Variants in GSDMB observed in about 807,000 individuals in gnomAD.
GSDMB encodes the protein gasdermin-B.
A neutral mutation model predicts 42.9 loss-of-function variants in GSDMB; 32 were observed. The observed-to-expected ratio is 0.75, with a 90% CI of 0.56 to 1.00. GSDMB has a LOEUF of 1.00. Ranked by LOEUF, GSDMB falls within the 50% of genes least tolerant of loss-of-function variation. The pLI is 0.00. For synonymous variants in GSDMB, 175 were observed against 193.7 expected (o/e 0.90, Z 0.80); for missense variants, 468 against 498.5 (o/e 0.94, Z 0.58).
At chr17:39,908,034 T>G in intron 6 of GSDMB, 142 bp downstream of exon 6, 1 of 649,614 alleles carries the variant, frequency 1.5e-6, no homozygotes, top group Non-Finnish European at 2.8e-6. Context: ...CAGGCTAATT[T>G]TTCCCCTGCG....
At chr17:39,907,257 C>T (rs978394016) in intron 6 of GSDMB, 13 of 1,242,930 alleles carry the variant, frequency 1.0e-5, no homozygotes, top group Middle Eastern at 3.2e-4. Context: ...TACACTCAGT[C>T]GCTCCGCAAA....
chr17:39,911,696 C>T lies in GSDMB; in HGVS notation c.407+630G>A, dbSNP rs80147220. Among the ~76,000 whole-genome samples, 53 of 152,298 alleles carry T rather than the reference C, an allele frequency of 3.5e-4. 1 individual carries two copies. In the East Asian group the frequency reaches 9.9e-3, roughly 28 times the overall value. The stretch of plus-strand genomic sequence containing the variant: ...GTCAATACAGAGAGGTTAGTAAAGT[C>T]AGTCCCTTGTCACAAGTTGCTTCCA... On this transcript the variant is annotated intron_variant, in intron 3 of 10. Coordinates refer to ENST00000418519, the MANE Select transcript of GSDMB (RefSeq NM_001165958.2).
intron 3 of GSDMB, among the ~76,000 whole-genome samples, chr17:39,911,009 A>T (rs964552490): frequency 3.9e-5 from 6 of 152,142 alleles, no homozygotes; most frequent in African/African-American, 1.4e-4. Context: ...ATTTATTAAT[A>T]AAAAAGGGTG....
At chr17:39,908,866 C>A (rs1488775679) in intron 5 of GSDMB, 92 bp downstream of exon 5, 2 of 834,500 alleles carry the variant, frequency 2.4e-6, no homozygotes, top group Non-Finnish European at 4.0e-6. Context: ...CAGCCACCCA[C>A]CCTAGGCTGA....
chr17:39,905,759 T>G (rs1262636536), intron 9 of GSDMB, 88 bp downstream of exon 9: 15 of 1,416,704 alleles, frequency 1.1e-5, no homozygotes, highest in Non-Finnish European at 1.4e-5. Flanking sequence ...AAGAGCAACA[T>G]GCAGCCCCTC....
At chr17:39,905,738 C>A (rs538483860) in intron 9 of GSDMB, 109 bp downstream of exon 9, 4 of 1,257,040 alleles carry the variant, frequency 3.2e-6, no homozygotes, top group Admixed American at 3.9e-5. Context: ...GAGTGCCCCC[C>A]ATAAACTGTG....
At chr17:39,914,581 G>A (rs372381937) in intron 2 of GSDMB, among the ~76,000 whole-genome samples, 1 of 151,932 alleles carries the variant, frequency 6.6e-6, no homozygotes, top group South Asian at 2.1e-4. Context: ...GGCCAACATG[G>A]TGAAACCTTG....
Position 39,917,108 on chromosome 17 carries a change from A to C in GSDMB, c.209T>G (p.Leu70Ter), listed in dbSNP as rs202032801. 1.2e-6 allele frequency: 2 copies of C among 1,613,858 alleles called. No homozygotes were observed. Among genetic ancestry groups the C allele is most frequent in the African/African-American group, 2.7e-5 (2 of 75,042 alleles). The change falls in exon 2 of 11, where the codon TTA becomes TGA. Residue 70 changes from leucine to a stop codon, truncating the protein, a stop_gained. Transcript: ENST00000418519. LOFTEE classifies it high-confidence loss of function. ...DILDTDGDKW[L>*]DELDSGLQGQ... Reference sequence around the variant, plus strand: ...TTGGAGCCCAGAATCCAGTTCATCTAACCACTTGTCCCCATCTGTGTCCAG... The same window carrying C: ...TTGGAGCCCAGAATCCAGTTCATCTCACCACTTGTCCCCATCTGTGTCCAG...
Position 39,904,691 on chromosome 17 carries a change from A to T in GSDMB, c.*121T>A. 1.3e-6 allele frequency: 1 copy of T among 774,756 alleles called. No individual in the cohort carries two copies. Among genetic ancestry groups the T allele is most frequent in the Non-Finnish European group, 2.1e-6 (1 of 472,440 alleles). The allele number at this position is 774,756 out of a possible 1,614,324, so 48.0% of individuals were successfully genotyped here. On this transcript the variant is annotated 3_prime_UTR_variant, in exon 11 of 11. Coordinates refer to ENST00000418519, the MANE Select transcript of GSDMB (RefSeq NM_001165958.2). ...ATGGAGCGAATGGGATACATCAAAG[A>T]ATGGTTGGCTGCTTGTTTTAAAGAG...
chr17:39,914,205 G>C (rs1281681201), intron 2 of GSDMB, among the ~76,000 whole-genome samples: 2 of 152,072 alleles, frequency 1.3e-5, no homozygotes, highest in Admixed American at 6.5e-5. Context: ...GATGTAATAG[G>C]AATGGTCCTT....
intron 5 of GSDMB, 62 bp from the exon 6 acceptor site, chr17:39,908,276 T>A (rs917213443): frequency 5.9e-6 from 5 of 841,482 alleles, no homozygotes; most frequent in Non-Finnish European, 7.9e-6. Context: ...TATCACTCTG[T>A]AAGTTCCCTT....
chr17:39,909,190 C>A, intron 4 of GSDMB, 148 bp from the exon 5 acceptor site: 1 of 589,700 alleles, frequency 1.7e-6, no homozygotes, highest in Non-Finnish European at 3.0e-6. Flanking sequence ...GCAGGTGAGA[C>A]AGTCTCACAG....
Position 39,912,403 on chromosome 17 carries a change from G to A in GSDMB, c.330C>T (p.Phe110=). ...LPKEITISGS[F]QGFHHQKIKI... ...TGATTTTCTGATGGTGGAAGCCCTG[G>A]AAACTGCCTGAAATTGTTATTTCTT... The change falls in exon 3 of 11, where the codon TTC becomes TTT. Residue 110 remains phenylalanine, a synonymous_variant. Coordinates refer to ENST00000418519, the MANE Select transcript of GSDMB (RefSeq NM_001165958.2). 6.2e-7 allele frequency: 1 copy of A among 1,613,130 alleles called. No homozygotes were observed. The highest frequency in any genetic ancestry group is 1.1e-5 in the South Asian group (1 of 91,058).
At chr17:39,910,699 T>A (rs1726611667) in intron 3 of GSDMB, among the ~76,000 whole-genome samples, 1 of 152,174 alleles carries the variant, frequency 6.6e-6, no homozygotes, top group South Asian at 2.1e-4. Flanking sequence ...TCATGAAGCA[T>A]CAGATTCCAT....
In GSDMB at chr17:39,906,147, G is replaced by A. The variant is rs762338887; in HGVS notation, c.852C>T (p.Leu284=). The change falls in exon 8 of 11, where the codon CTC becomes CTT. Residue 284 remains leucine (L), a synonymous_variant. Transcript: ENST00000418519. ...KDVLNSLAKC[L]GKEDIRQDLE... is the part of the protein sequence containing the mutation. Reference sequence around the variant, plus strand: ...GATCCTGCCGAATATCCTCCTTGCCGAGGCACTTAGCGAGGGAGTTTAGCA... The same window carrying A: ...GATCCTGCCGAATATCCTCCTTGCCAAGGCACTTAGCGAGGGAGTTTAGCA... The A allele has an allele frequency of 6.8e-6, 11 of 1,613,942 alleles. No homozygotes were observed. Among genetic ancestry groups the A allele is most frequent in the African/African-American group, 5.3e-5 (4 of 74,898 alleles).
intron 2 of GSDMB, among the ~76,000 whole-genome samples, chr17:39,912,868 G>T (rs572819075): frequency 6.6e-6 from 1 of 152,212 alleles, no homozygotes; most frequent in Non-Finnish European, 1.5e-5. Flanking sequence ...AACTTTGGGA[G>T]GCTGTGGCAG....
chr17:39,916,984 T>C (rs921356395), intron 2 of GSDMB, 98 bp downstream of exon 2: 7 of 773,304 alleles, frequency 9.1e-6, no homozygotes, highest in African/African-American at 6.8e-5. Flanking sequence ...CACAGTTTCG[T>C]TGTTGATTGG....
chr17:39,916,712 A>C (rs544672338), intron 2 of GSDMB, among the ~76,000 whole-genome samples: 190 of 152,324 alleles, frequency 1.2e-3, no homozygotes, highest in Admixed American at 2.9e-3. Context: ...CTTTGAAACC[A>C]GGTGCTTCCA....
intron 7 of GSDMB, 74 bp downstream of exon 7, chr17:39,906,887 C>T (rs2063514380): frequency 3.1e-6 from 5 of 1,608,998 alleles, no homozygotes; most frequent in Non-Finnish European, 4.2e-6. Context: ...CCCACCTGAG[C>T]AGCAGTCTTG....
Sources: gnomAD v4.1 joint callset for allele counts (sites outside exome capture counted in the v4.1 genomes callset) on GRCh38, gnomAD v4.1.1 for gene constraint, MANE v1.5 for transcripts, NCBI Gene and HGNC (gene_info 2026-07-23, HGNC 2026-07-21) for gene names.